CECR2: variants seen among roughly 807,000 people sequenced by gnomAD.
The protein encoded by CECR2 is CECR2 histone acetyl-lysine reader, also known as chromatin remodeling regulator CECR2.
A neutral mutation model predicts 154.5 loss-of-function variants in CECR2; 30 were observed. The ratio of observed to expected loss-of-function variants is 0.19; its 90% CI spans 0.15 to 0.26. The LOEUF is 0.26. Ranked by LOEUF, CECR2 falls within the 10% of genes least tolerant of loss-of-function variation. The probability of loss-of-function intolerance (pLI) is 1.00; values close to 1 mark genes in which losing one functional copy is unlikely to be tolerated. For synonymous variants in CECR2, 725 were observed against 683.7 expected, an observed-to-expected ratio of 1.06 and a Z score of -0.94; for missense variants, 1,743 against 1,829.3, an observed-to-expected ratio of 0.95 and a Z score of 0.86.
chr22:17,535,199 T>C (rs1268978643), intron 9 of CECR2, among the ~76,000 whole-genome samples: 1 of 151,824 alleles, frequency 6.6e-6, no homozygotes, highest in Non-Finnish European at 1.5e-5. Flanking sequence ...ACCCCTGTAG[T>C]CCCAACTACT....
chr22:17,538,129 G>T (rs1331739130), intron 10 of CECR2, among the ~76,000 whole-genome samples: 1 of 152,154 alleles, frequency 6.6e-6, no homozygotes, highest in East Asian at 1.9e-4. Flanking sequence ...AAGGTGACAG[G>T]ATTGCTGGAG....
chr22:17,383,877 T>C (rs1450229964), intron 1 of CECR2, among the ~76,000 whole-genome samples: 1 of 152,118 alleles, frequency 6.6e-6, no homozygotes, highest in Non-Finnish European at 1.5e-5. Context: ...TTCACTATGT[T>C]GGCCAGGCTG....
At chr22:17,393,661 C>T (rs1179991592) in intron 1 of CECR2, among the ~76,000 whole-genome samples, 1 of 152,170 alleles carries the variant, frequency 6.6e-6, no homozygotes, top group East Asian at 1.9e-4. Flanking sequence ...ACATCCTTGC[C>T]AACACTTATT....
intron 1 of CECR2, among the ~76,000 whole-genome samples, chr22:17,417,032 T>G (rs981838673): frequency 2.0e-5 from 3 of 152,096 alleles, no homozygotes; most frequent in African/African-American, 7.2e-5. Flanking sequence ...TTTTTTTTTT[T>G]TTTACGACAA....
intron 16 of CECR2, among the ~76,000 whole-genome samples, chr22:17,546,405 G>C (rs2056614660): frequency 6.8e-6 from 1 of 147,412 alleles, no homozygotes; most frequent in Non-Finnish European, 1.5e-5. Flanking sequence ...AGAATGGCGT[G>C]AACCCGGGAG....
chr22:17,391,162 T>C (rs2063321846), intron 1 of CECR2, among the ~76,000 whole-genome samples: 1 of 152,204 alleles, frequency 6.6e-6, no homozygotes, highest in Non-Finnish European at 1.5e-5. Flanking sequence ...TATACTCACA[T>C]TTAGGAAAAT....
At chr22:17,372,847 T>C (rs1344058144) in intron 1 of CECR2, among the ~76,000 whole-genome samples, 1 of 152,080 alleles carries the variant, frequency 6.6e-6, no homozygotes, top group Non-Finnish European at 1.5e-5. Flanking sequence ...TTTTCAGCTG[T>C]GGGAAAGATC....
intron 2 of CECR2, among the ~76,000 whole-genome samples, chr22:17,479,032 C>G (rs1332312818): frequency 6.6e-6 from 1 of 151,114 alleles, no homozygotes; most frequent in Non-Finnish European, 1.5e-5. Flanking sequence ...AATCAGTTTT[C>G]TTATAACCAC....
At chr22:17,392,518 G>C (rs1286118250) in intron 1 of CECR2, among the ~76,000 whole-genome samples, 1 of 151,868 alleles carries the variant, frequency 6.6e-6, no homozygotes, top group Non-Finnish European at 1.5e-5. Flanking sequence ...ACAAAACCAG[G>C]CATGGTGTTG....
upstream of CECR2, among the ~76,000 whole-genome samples, chr22:17,366,622 G>T (rs376160915): frequency 4.6e-5 from 7 of 152,264 alleles, no homozygotes; most frequent in East Asian, 1.4e-3. Flanking sequence ...TTGGTAGGGG[G>T]TCATTAATCT....
intron 1 of CECR2, among the ~76,000 whole-genome samples, chr22:17,458,573 G>A (rs954631228): frequency 1.3e-5 from 2 of 151,826 alleles, no homozygotes; most frequent in Admixed American, 6.6e-5. Context: ...AAATTCTGAT[G>A]AAGATCACAT....
At chr22:17,546,724 GTCC>G (rs935455801) in intron 16 of CECR2, among the ~76,000 whole-genome samples, 2 of 151,966 alleles carry the variant, frequency 1.3e-5, no homozygotes, top group African/African-American at 4.8e-5. Flanking sequence ...CTGGACAACT[GTCC>G]TCCTAGAAAG....
Position 17,540,521 on chromosome 22 carries a change from T to G in CECR2, c.1605T>G (p.Asp535Glu), listed in dbSNP as rs779784806. The change falls in exon 14 of 19, where the codon GAT (aspartate) becomes GAG (glutamate). Residue 535 changes from aspartate (D) to glutamate (E), a missense_variant. Around this residue, in one of 4 missense-constraint regions of CECR2, gnomAD observed 103 missense variants for 166.8 expected, o/e 0.62. Coordinates refer to ENST00000262608, the MANE Select transcript of CECR2 (RefSeq NM_001290047.2). ...ATGAAGAATTTTGGATTCGAGAGGA[T>G]GAAAAGCGGGAGAAAAGACGGAGTC... ...DTDEEFWIRE[D>E]EKREKRRSRA... 4 of 1,611,878 alleles carry G rather than the reference T, an allele frequency of 2.5e-6. No homozygotes were observed. In the Admixed American group the frequency reaches 6.7e-5, roughly 27 times the overall value.
At chr22:17,470,402 A>AAG (rs1555913693) in intron 1 of CECR2, among the ~76,000 whole-genome samples, 2 of 151,478 alleles carry the variant, frequency 1.3e-5, no homozygotes, top group East Asian at 3.9e-4. Context: ...CAAAAAAAAA[A>AAG]AAAAAAGAAA....
At chr22:17,414,007 C>G (rs548756187) in intron 1 of CECR2, among the ~76,000 whole-genome samples, 6 of 146,534 alleles carry the variant, frequency 4.1e-5, no homozygotes, top group Admixed American at 1.4e-4. Flanking sequence ...GAGTCTTGCT[C>G]TGTCACCCAG....
chr22:17,437,990 A>G (rs1190791868), intron 1 of CECR2, among the ~76,000 whole-genome samples: 1 of 152,176 alleles, frequency 6.6e-6, no homozygotes, highest in African/African-American at 2.4e-5. Context: ...GTTAATGAAA[A>G]TTTTTTTCTG....
chr22:17,422,809 T>C (rs977879721), intron 1 of CECR2, among the ~76,000 whole-genome samples: 4 of 152,088 alleles, frequency 2.6e-5, no homozygotes, highest in Admixed American at 1.3e-4. Flanking sequence ...AGCCCATCAG[T>C]GGCATTCTTC....
At chr22:17,495,298 G>C (rs1259453946) in intron 2 of CECR2, among the ~76,000 whole-genome samples, 1 of 152,204 alleles carries the variant, frequency 6.6e-6, no homozygotes, top group Admixed American at 6.5e-5. Flanking sequence ...GCTGGGCACA[G>C]TGGCTCACAT....
intron 1 of CECR2, chr22:17,477,206 T>A (rs747354743): frequency 2.8e-6 from 2 of 706,514 alleles, no homozygotes; most frequent in Middle Eastern, 2.5e-4. Context: ...TGAGCACTCC[T>A]TTCCTCTCTT....
Sources: allele counts gnomAD v4.1 joint callset (sites outside exome capture counted in the v4.1 genomes callset), GRCh38; gene constraint gnomAD v4.1.1; regional missense constraint gnomAD v4.1.1; transcripts MANE v1.5; gene names NCBI Gene and HGNC (gene_info 2026-07-23, HGNC 2026-07-21).